The following MEGF11 variants were observed in gnomAD, a reference collection of about 807,000 sequenced individuals.
MEGF11 encodes multiple EGF like domains 11.
A neutral mutation model predicts 146.6 loss-of-function variants in MEGF11; 126 were observed. The ratio of observed to expected loss-of-function variants is 0.86; its 90% CI spans 0.74 to 1.00. The LOEUF is 1.00. Among genes scored for constraint, MEGF11 ranks in the 50% least tolerant of loss-of-function variants. The probability of loss-of-function intolerance (pLI) is 0.00; values close to 1 mark genes in which losing one functional copy is unlikely to be tolerated. For missense variants in MEGF11, 1,509 were observed against 1,521.2 expected (o/e 0.99, Z 0.13); for synonymous variants, 532 against 583.4 (o/e 0.91, Z 1.27).
intron 1 of MEGF11, among the ~76,000 whole-genome samples, chr15:66,153,473 T>C (rs1374599858): frequency 2.6e-5 from 4 of 152,022 alleles, no homozygotes; most frequent in Non-Finnish European, 5.9e-5. Context: ...CTCGGGAGGC[T>C]GAGAGAGGAG....
At chr15:65,963,156 C>CTCCCTCAGCT (rs1174129394) in intron 9 of MEGF11, among the ~76,000 whole-genome samples, 1 of 152,174 alleles carries the variant, frequency 6.6e-6, no homozygotes. Context: ...GGAGAGGGTC[C>CTCCCTCAGCT]TCCCTCAGCT....
chr15:65,916,598 C>A, intron 17 of MEGF11: 1 of 786,696 alleles, frequency 1.3e-6, no homozygotes, highest in Non-Finnish European at 2.1e-6. Flanking sequence ...GCTGGAGTAC[C>A]TTGCAGCCCT....
intron 13 of MEGF11, among the ~76,000 whole-genome samples, chr15:65,927,126 C>T (rs1019885050): frequency 2.0e-5 from 3 of 152,214 alleles, no homozygotes; most frequent in African/African-American, 7.2e-5. Flanking sequence ...AGGTTCACTT[C>T]TGAAATGCTT....
chr15:66,081,053 C>T (rs989714826), intron 5 of MEGF11, among the ~76,000 whole-genome samples: 1 of 152,270 alleles, frequency 6.6e-6, no homozygotes, highest in Non-Finnish European at 1.5e-5. Flanking sequence ...GCACCCTCTG[C>T]ACACCCACTG....
chr15:65,903,153 A>T (rs528457626), intron 24 of MEGF11, among the ~76,000 whole-genome samples: 1 of 152,212 alleles, frequency 6.6e-6, no homozygotes, highest in Non-Finnish European at 1.5e-5. Context: ...TCAGGATGTC[A>T]TTGGGCTCCT....
intron 22 of MEGF11, 75 bp from the exon 23 acceptor site, chr15:65,909,210 C>G (rs2078719932): frequency 9.4e-7 from 1 of 1,064,438 alleles, no homozygotes; most frequent in Admixed American, 2.0e-5. Flanking sequence ...GTAGGAAGTA[C>G]ACAAGTGGGC....
intron 13 of MEGF11, among the ~76,000 whole-genome samples, chr15:65,926,533 G>C (rs2079377768): frequency 1.3e-5 from 2 of 152,346 alleles, no homozygotes; most frequent in Admixed American, 1.3e-4. Flanking sequence ...CCTGTGCCAA[G>C]CCAAGGAATG....
At chr15:66,252,831 G>A (rs2140278316) in intron 1 of MEGF11, among the ~76,000 whole-genome samples, 1 of 152,360 alleles carries the variant, frequency 6.6e-6, no homozygotes, top group East Asian at 1.9e-4. Context: ...CCACGGCTGG[G>A]CGAGAAGTTG....
intron 5 of MEGF11, among the ~76,000 whole-genome samples, chr15:65,998,396 G>T (rs533894294): frequency 1.3e-5 from 2 of 152,286 alleles, no homozygotes; most frequent in South Asian, 4.1e-4. Flanking sequence ...GAGGAGCCAG[G>T]TGAGGGCAGG....
chr15:66,244,239 G>A (rs1419146713), intron 1 of MEGF11, among the ~76,000 whole-genome samples: 1 of 152,096 alleles, frequency 6.6e-6, no homozygotes, highest in African/African-American at 2.4e-5. Context: ...CCCAAAGAAG[G>A]CTCTATGTCC....
intron 1 of MEGF11, among the ~76,000 whole-genome samples, chr15:66,170,697 C>A (rs1023213094): frequency 7.2e-5 from 11 of 152,118 alleles, no homozygotes; most frequent in Non-Finnish European, 2.9e-5. Flanking sequence ...GGGAGGGGGG[C>A]CTTTGAAGTG....
At chr15:66,109,919 C>T (rs4776731) in intron 4 of MEGF11, among the ~76,000 whole-genome samples, 63,031 of 152,050 alleles carry the variant, frequency 0.41, 13,551 homozygotes, top group Middle Eastern at 0.55. Context: ...GGGAAAGCCT[C>T]GCAGAGACTT....
At chr15:66,123,153 G>T (rs2088135735) in intron 3 of MEGF11, among the ~76,000 whole-genome samples, 1 of 152,214 alleles carries the variant, frequency 6.6e-6, no homozygotes, top group African/African-American at 2.4e-5. Flanking sequence ...ATCCCTTAAA[G>T]CATGTTGTTT....
chr15:65,998,529 T>G (rs1032505336), intron 5 of MEGF11, among the ~76,000 whole-genome samples: 1 of 152,124 alleles, frequency 6.6e-6, no homozygotes, highest in African/African-American at 2.4e-5. Context: ...CCTCACTAAA[T>G]ATAGTTCCCC....
At chr15:66,182,537 C>T (rs2090578104) in intron 1 of MEGF11, among the ~76,000 whole-genome samples, 1 of 152,148 alleles carries the variant, frequency 6.6e-6, no homozygotes, top group Non-Finnish European at 1.5e-5. Flanking sequence ...TGGTGCAACA[C>T]TGAGCTCCCT....
intron 1 of MEGF11, among the ~76,000 whole-genome samples, chr15:66,173,426 C>T (rs573418788): frequency 6.6e-6 from 1 of 152,260 alleles, no homozygotes; most frequent in South Asian, 2.1e-4. Flanking sequence ...AGCGATTCTC[C>T]TGCCTCAGCC....
At chr15:66,164,841 T>C (rs2090054518) in intron 1 of MEGF11, among the ~76,000 whole-genome samples, 1 of 152,218 alleles carries the variant, frequency 6.6e-6, no homozygotes, top group South Asian at 2.1e-4. Flanking sequence ...ACATTTGAAA[T>C]TGGAACTGTC....
chr15:66,150,850 GA>G, intron 1 of MEGF11, among the ~76,000 whole-genome samples: 1 of 141,640 alleles, frequency 7.1e-6, no homozygotes, highest in East Asian at 2.0e-4. Context: ...GAGAGAGAGA[GA>G]GAGAGAGAGA....
intron 1 of MEGF11, among the ~76,000 whole-genome samples, chr15:66,171,432 T>C (rs1226450483): frequency 2.1e-5 from 3 of 142,192 alleles, no homozygotes; most frequent in Admixed American, 7.0e-5. Flanking sequence ...CGCCCCTTGC[T>C]CCAAGTACTC....
Sources: gnomAD v4.1 joint callset for allele counts (sites outside exome capture counted in the v4.1 genomes callset) on GRCh38, gnomAD v4.1.1 for gene constraint, MANE v1.5 for transcripts, NCBI Gene and HGNC (gene_info 2026-07-23, HGNC 2026-07-21) for gene names.